The following RBM27 variants were observed in gnomAD, a reference collection of about 807,000 sequenced individuals.
The protein encoded by RBM27 is RNA binding motif protein 27.
A neutral mutation model predicts 135.3 loss-of-function variants in RBM27; 22 were observed. That is an observed-to-expected ratio of 0.16 (90% CI 0.12 to 0.23). RBM27 has a LOEUF of 0.23. Among genes scored for constraint, RBM27 ranks in the 10% least tolerant of loss-of-function variants. The pLI is 1.00. For synonymous variants in RBM27, 481 were observed against 442.4 expected (o/e 1.09, Z -1.10); for missense variants, 1,009 against 1,281.0 (o/e 0.79, Z 3.24).
intron 14 of RBM27, among the ~76,000 whole-genome samples, chr5:146,265,313 A>G (rs1461514388): frequency 1.3e-5 from 2 of 152,190 alleles, no homozygotes; most frequent in Admixed American, 6.5e-5. Context: ...ATCAGAATAT[A>G]TTAAGTAAAA....
chr5:146,230,979 A>G (rs1756905174), intron 6 of RBM27, 62 bp downstream of exon 6: 1 of 1,507,364 alleles, frequency 6.6e-7, no homozygotes, highest in African/African-American at 1.4e-5. Flanking sequence ...AATGTTGCAT[A>G]TATTGCATAT....
intron 3 of RBM27, among the ~76,000 whole-genome samples, chr5:146,225,395 AAG>A (rs2126729632): frequency 6.6e-6 from 1 of 152,342 alleles, no homozygotes; most frequent in African/African-American, 2.4e-5. Flanking sequence ...CCAACATTAA[AAG>A]AAAAAATGTG....
intron 13 of RBM27, among the ~76,000 whole-genome samples, chr5:146,263,179 C>G (rs978839422): frequency 6.6e-5 from 10 of 152,130 alleles, no homozygotes; most frequent in Non-Finnish European, 1.3e-4. Context: ...CCACTGTGCC[C>G]AGCCAAGACC....
chr5:146,233,542 C>A lies in RBM27; in HGVS notation c.943C>A (p.Pro315Thr), dbSNP rs867539726. 1 of 1,613,326 alleles carries A rather than the reference C, an allele frequency of 6.2e-7. No individual in the cohort carries two copies. Among genetic ancestry groups the A allele is most frequent in the East Asian group, 2.2e-5 (1 of 44,826 alleles). ...VDEVALPSMI[P>T]FPPPPPGLPP... ...TGAAGTTGCTCTGCCAAGTATGATTCCTTTCCCACCCCCTCCTCCTGGGCT... is the reference window on the plus strand; with the variant it reads ...TGAAGTTGCTCTGCCAAGTATGATTACTTTCCCACCCCCTCCTCCTGGGCT... The change falls in exon 7 of 21, where the codon CCT (proline) becomes ACT (threonine). Residue 315 changes from proline (P) to threonine (T), a missense_variant. Physicochemically the swap from Pro to Thr is conservative, Grantham distance 38 (BLOSUM62 -1). Transcript: ENST00000265271.
At chr5:146,268,838 G>T (rs1758736757) in intron 15 of RBM27, among the ~76,000 whole-genome samples, 1 of 151,982 alleles carries the variant, frequency 6.6e-6, no homozygotes, top group African/African-American at 2.4e-5. Flanking sequence ...AAAATGCTAG[G>T]ATTACAAGTT....
intron 4 of RBM27, 91 bp downstream of exon 4, chr5:146,229,128 T>TA (rs1285043880): frequency 1.2e-6 from 1 of 857,878 alleles, no homozygotes; most frequent in African/African-American, 1.7e-5. Flanking sequence ...TATATATACT[T>TA]ACTCCTCTCT....
chr5:146,264,458 T>C (rs1758531748), intron 14 of RBM27, among the ~76,000 whole-genome samples: 1 of 152,112 alleles, frequency 6.6e-6, no homozygotes, highest in South Asian at 2.1e-4. Context: ...CGTGAGCCAC[T>C]GCACCCGGCT....
intron 19 of RBM27, 44 bp downstream of exon 19, chr5:146,271,718 C>T: frequency 6.6e-7 from 1 of 1,518,474 alleles, no homozygotes; most frequent in Middle Eastern, 2.2e-4. Context: ...AAACACTGTG[C>T]TCATCATTTT....
intron 11 of RBM27, among the ~76,000 whole-genome samples, chr5:146,259,363 G>A (rs1758263090): frequency 6.6e-6 from 1 of 151,822 alleles, no homozygotes; most frequent in African/African-American, 2.4e-5. Context: ...AATTAGCCAG[G>A]TGTGGTGGCA....
Position 146,230,671 on chromosome 5 carries a change from T to G in RBM27, c.604T>G (p.Ser202Ala). 2 of 1,614,152 alleles carry G rather than the reference T, an allele frequency of 1.2e-6. No homozygotes were observed. The highest frequency in any genetic ancestry group is 1.7e-6 in the Non-Finnish European group (2 of 1,179,990). Reference sequence around the variant, plus strand: ...TCTCCAAGTAGAGCACAGGGAAAGATCGAAGTTTAAGAGTGAAAGGAATGA... The same window carrying G: ...TCTCCAAGTAGAGCACAGGGAAAGAGCGAAGTTTAAGAGTGAAAGGAATGA... ...PNRNVEHRER[S>A]KFKSERNDLE... Residue 202 changes from serine (S) to alanine (A), a missense_variant, in exon 6 of 21, where the codon TCG becomes GCG. Coordinates refer to ENST00000265271, the MANE Select transcript of RBM27 (RefSeq NM_018989.2).
At chr5:146,218,495 G>A (rs774104507) in intron 1 of RBM27, among the ~76,000 whole-genome samples, 3 of 151,944 alleles carry the variant, frequency 2.0e-5, no homozygotes, top group East Asian at 1.9e-4. Context: ...TAAGATACTC[G>A]CTGAGATTAG....
intron 7 of RBM27, among the ~76,000 whole-genome samples, chr5:146,235,278 C>T (rs906945397): frequency 8.6e-5 from 13 of 151,994 alleles, no homozygotes; most frequent in African/African-American, 2.9e-4. Context: ...TTTCATGGCC[C>T]GGCACAGTGG....
At chr5:146,232,573 T>A (rs573000926) in intron 6 of RBM27, among the ~76,000 whole-genome samples, 3 of 152,268 alleles carry the variant, frequency 2.0e-5, no homozygotes, top group African/African-American at 7.2e-5. Flanking sequence ...ATTCTTTTTT[T>A]TCTCTTTTTT....
At chr5:146,245,496 G>A (rs1358320487) in intron 8 of RBM27, among the ~76,000 whole-genome samples, 2 of 152,156 alleles carry the variant, frequency 1.3e-5, no homozygotes, top group Non-Finnish European at 2.9e-5. Flanking sequence ...TAACTGTCCA[G>A]TCTTAATATA....
At chr5:146,236,709 C>G (rs907089315) in intron 7 of RBM27, among the ~76,000 whole-genome samples, 1 of 151,912 alleles carries the variant, frequency 6.6e-6, no homozygotes, top group Admixed American at 6.6e-5. Context: ...CTGCAGCCTC[C>G]ACCTCCCATG....
chr5:146,209,142 T>C (rs759731968), intron 1 of RBM27, among the ~76,000 whole-genome samples: 2 of 152,232 alleles, frequency 1.3e-5, no homozygotes, highest in African/African-American at 4.8e-5. Flanking sequence ...ATTAATGATG[T>C]AGACTTTAAG....
Position 146,271,044 on chromosome 5 carries a change from C to A in RBM27, c.2782C>A (p.Gln928Lys). Residue 928 changes from glutamine to lysine, a missense_variant, in exon 18 of 21, where the codon CAG becomes AAG. Gln to Lys is a moderately conservative substitution (Grantham distance 53, BLOSUM62 1). Coordinates refer to ENST00000265271, the MANE Select transcript of RBM27 (RefSeq NM_018989.2). ...CACAGAATTACGGAAAAAACTCAGT[C>A]AGTTACAGGTTGAGGTGAGATTTAA... ...DTTELRKKLS[Q>K]LQVEAARLGI... The A allele has an allele frequency of 1.2e-6, 2 of 1,612,008 alleles. No individual in the cohort carries two copies. The highest frequency in any genetic ancestry group is 2.2e-5 in the South Asian group (2 of 90,978).
intron 1 of RBM27, among the ~76,000 whole-genome samples, chr5:146,212,013 A>G (rs1755980370): frequency 6.6e-6 from 1 of 151,830 alleles, no homozygotes; most frequent in Non-Finnish European, 1.5e-5. Flanking sequence ...TTTCACATTT[A>G]TATATTGCTT....
At chr5:146,224,878 C>T (rs1265502808) in intron 3 of RBM27, among the ~76,000 whole-genome samples, 1 of 152,086 alleles carries the variant, frequency 6.6e-6, no homozygotes, top group Non-Finnish European at 1.5e-5. Context: ...CCCATCTGCT[C>T]TCTTTAAATA....
Sources: gnomAD v4.1 joint callset for allele counts (sites outside exome capture counted in the v4.1 genomes callset) on GRCh38, gnomAD v4.1.1 for gene constraint, MANE v1.5 for transcripts, NCBI Gene and HGNC (gene_info 2026-07-23, HGNC 2026-07-21) for gene names.